RALYL: variants seen among roughly 807,000 people sequenced by gnomAD.
RALYL encodes the protein RALY RNA binding protein like, also known as RNA-binding Raly-like protein.
RALYL carries 29 observed loss-of-function variants against 35.1 expected under a neutral mutation model. The observed-to-expected ratio is 0.83, with a 90% CI of 0.61 to 1.13. The LOEUF (loss-of-function observed/expected upper bound fraction) is 1.13, where lower values mean the gene tolerates loss of function less well. Ranked by LOEUF, RALYL falls within the 50% of genes most tolerant of loss-of-function variation. The pLI, the probability that RALYL is intolerant of heterozygous loss-of-function variation, is 0.00. For synonymous variants in RALYL, 120 were observed against 127.6 expected, an observed-to-expected ratio of 0.94 and a Z score of 0.40; for missense variants, 359 against 360.4, an observed-to-expected ratio of 1.00 and a Z score of 0.03.
intron 2 of RALYL, among the ~76,000 whole-genome samples, chr8:84,545,556 T>G (rs1343066444): frequency 6.6e-6 from 1 of 152,232 alleles, no homozygotes; most frequent in Non-Finnish European, 1.5e-5. Context: ...ACATAATATG[T>G]ATTTCCATTT....
chr8:84,287,730 A>G (rs1837938806), intron 1 of RALYL, among the ~76,000 whole-genome samples: 1 of 152,166 alleles, frequency 6.6e-6, no homozygotes, highest in Non-Finnish European at 1.5e-5. Flanking sequence ...GAGTGTGTAA[A>G]ATAATTTTGC....
At chr8:84,889,220 G>T (rs1325910888) in intron 8 of RALYL, among the ~76,000 whole-genome samples, 2 of 152,120 alleles carry the variant, frequency 1.3e-5, no homozygotes, top group Non-Finnish European at 2.9e-5. Flanking sequence ...TTCTCCTTAG[G>T]CAGGACTACA....
chr8:84,205,112 A>C (rs1817759828), intron 1 of RALYL, among the ~76,000 whole-genome samples: 1 of 152,210 alleles, frequency 6.6e-6, no homozygotes, highest in South Asian at 2.1e-4. Context: ...TTGATTATTT[A>C]CAAATATGGC....
At chr8:84,730,620 G>T (rs1288885547) in intron 2 of RALYL, among the ~76,000 whole-genome samples, 1 of 151,936 alleles carries the variant, frequency 6.6e-6, no homozygotes, top group Non-Finnish European at 1.5e-5. Context: ...CGACATGATT[G>T]TATATCTAGA....
chr8:84,743,908 A>G (rs531077249), intron 2 of RALYL, among the ~76,000 whole-genome samples: 73 of 152,172 alleles, frequency 4.8e-4, no homozygotes, highest in African/African-American at 1.3e-3. Flanking sequence ...ACAGACAGAA[A>G]GCAGAATGCT....
At chr8:84,348,069 CCTGTG>C in intron 1 of RALYL, among the ~76,000 whole-genome samples, 1 of 152,152 alleles carries the variant, frequency 6.6e-6, no homozygotes, top group Non-Finnish European at 1.5e-5. Context: ...CAGTTGGCAG[CCTGTG>C]ATGGCTGGAG....
intron 2 of RALYL, among the ~76,000 whole-genome samples, chr8:84,707,562 T>G (rs1200878612): frequency 1.3e-5 from 2 of 152,094 alleles, no homozygotes. Flanking sequence ...AATTGTGAAT[T>G]ACATGAGACA....
intron 1 of RALYL, among the ~76,000 whole-genome samples, chr8:84,500,385 G>A (rs918235047): frequency 1.3e-5 from 2 of 152,096 alleles, no homozygotes; most frequent in Non-Finnish European, 2.9e-5. Flanking sequence ...ATCTATATAT[G>A]TTTTTAAATG....
chr8:84,707,476 G>A (rs1400393032), intron 2 of RALYL, among the ~76,000 whole-genome samples: 2 of 151,958 alleles, frequency 1.3e-5, no homozygotes, highest in African/African-American at 4.8e-5. Context: ...GAAAATAAGA[G>A]ATTCACAGAA....
chr8:84,907,400 G>A (rs919763600), intron 8 of RALYL, among the ~76,000 whole-genome samples: 5 of 150,570 alleles, frequency 3.3e-5, no homozygotes, highest in Non-Finnish European at 5.9e-5. Flanking sequence ...AGGAAGAAAC[G>A]GAAAGAAAAC....
intron 1 of RALYL, among the ~76,000 whole-genome samples, chr8:84,241,713 G>A (rs1197627088): frequency 6.6e-6 from 1 of 150,482 alleles, no homozygotes; most frequent in Admixed American, 6.6e-5. Context: ...AGGAAGTGGA[G>A]GTTGCCATGA....
chr8:84,873,414 C>T lies in RALYL; in HGVS notation c.685+17C>T, dbSNP rs1840580032. The T allele has an allele frequency of 7.0e-7, 1 of 1,438,080 alleles. No individual in the cohort carries two copies. The highest frequency in any genetic ancestry group is 9.7e-7 in the Non-Finnish European group (1 of 1,034,326). 89.1% of individuals were successfully genotyped at this position (1,438,080 alleles called of 1,614,324 possible). On this transcript the variant is annotated intron_variant, in intron 7 of 8. Transcript: ENST00000521268. ...CGGAGGCAGGTAAGTGATCTCTGATCACAGACAGGTCAGAATTGAACCAGT... is the reference window on the plus strand; with the variant it reads ...CGGAGGCAGGTAAGTGATCTCTGATTACAGACAGGTCAGAATTGAACCAGT...
intron 8 of RALYL, among the ~76,000 whole-genome samples, chr8:84,917,197 G>A (rs192219506): frequency 6.6e-6 from 1 of 151,998 alleles, no homozygotes; most frequent in African/African-American, 2.4e-5. Flanking sequence ...TTGTTTCTTG[G>A]TCTTTTTTAT....
intron 1 of RALYL, among the ~76,000 whole-genome samples, chr8:84,420,950 C>A (rs1457343639): frequency 1.1e-5 from 1 of 93,320 alleles, no homozygotes; most frequent in East Asian, 3.0e-4. Context: ...GTTACTGTAG[C>A]CTTGTAGTAT....
intron 1 of RALYL, among the ~76,000 whole-genome samples, chr8:84,461,869 C>T (rs2050828631): frequency 6.6e-6 from 1 of 151,498 alleles, no homozygotes; most frequent in Non-Finnish European, 1.5e-5. Flanking sequence ...TAGAGTGGTA[C>T]ATTTGTTGCA....
At chr8:84,378,939 C>T (rs553396932) in intron 1 of RALYL, among the ~76,000 whole-genome samples, 1 of 152,012 alleles carries the variant, frequency 6.6e-6, no homozygotes, top group South Asian at 2.1e-4. Context: ...TTCTCCTTTA[C>T]AGTGAACCAT....
At chr8:84,545,446 A>T (rs1267362363) in intron 2 of RALYL, among the ~76,000 whole-genome samples, 1 of 152,192 alleles carries the variant, frequency 6.6e-6, no homozygotes, top group African/African-American at 2.4e-5. Context: ...CAAAATTTTT[A>T]GATACAGAAC....
intron 1 of RALYL, among the ~76,000 whole-genome samples, chr8:84,329,147 G>C (rs1043780313): frequency 3.3e-5 from 5 of 152,052 alleles, no homozygotes; most frequent in Non-Finnish European, 7.4e-5. Flanking sequence ...GGGTCAAATG[G>C]GAGTTCTGTT....
Position 84,921,452 on chromosome 8 carries a change from T to C in RALYL, c.*541T>C, listed in dbSNP as rs962865856. On this transcript the variant is annotated 3_prime_UTR_variant, in exon 9 of 9. Transcript: ENST00000521268. Reference sequence around the variant, plus strand: ...TATTTCTGCCCTGTATAAGCACCCTTTTTATTAATAAAGAATGCAGATATT... The same window carrying C: ...TATTTCTGCCCTGTATAAGCACCCTCTTTATTAATAAAGAATGCAGATATT... The C allele has an allele frequency of 2.6e-5, 4 of 152,158 alleles. No homozygotes were observed. The highest frequency in any genetic ancestry group is 9.6e-5 in the African/African-American group (4 of 41,454). The allele number at this position is 152,158 out of a possible 1,614,324, so 9.4% of individuals were successfully genotyped here.
Sources: gnomAD v4.1 joint callset for allele counts (sites outside exome capture counted in the v4.1 genomes callset) on GRCh38, gnomAD v4.1.1 for gene constraint, MANE v1.5 for transcripts, NCBI Gene and HGNC (gene_info 2026-07-23, HGNC 2026-07-21) for gene names.